The following TBC1D5 variants were observed in gnomAD, a reference collection of about 807,000 sequenced individuals.
The protein encoded by TBC1D5 is TBC1 domain family, member 5.
Under a neutral mutation model 100.3 loss-of-function variants are expected in TBC1D5, and 75 were observed. The observed-to-expected ratio is 0.75, with a 90% CI of 0.62 to 0.91. The LOEUF (loss-of-function observed/expected upper bound fraction) is 0.91, where lower values mean the gene tolerates loss of function less well. Among genes scored for constraint, TBC1D5 ranks in the 40% least tolerant of loss-of-function variants. The pLI is 0.00. For missense variants in TBC1D5, 910 were observed against 942.4 expected (o/e 0.97, Z 0.45); for synonymous variants, 323 against 325.6 (o/e 0.99, Z 0.09).
At chr3:17,313,772 C>T (rs2084327958) in intron 13 of TBC1D5, among the ~76,000 whole-genome samples, 1 of 152,180 alleles carries the variant, frequency 6.6e-6, no homozygotes, top group Non-Finnish European at 1.5e-5. Context: ...CATTATGCTT[C>T]CATAAGCAGT....
chr3:17,589,654 G>A (rs935745224), intron 2 of TBC1D5, among the ~76,000 whole-genome samples: 1 of 152,306 alleles, frequency 6.6e-6, no homozygotes, highest in East Asian at 1.9e-4. Flanking sequence ...TCTTGGGTAT[G>A]TCTTTATCAG....
At chr3:17,498,359 T>C (rs1156900280) in intron 3 of TBC1D5, among the ~76,000 whole-genome samples, 1 of 152,178 alleles carries the variant, frequency 6.6e-6, no homozygotes, top group Non-Finnish European at 1.5e-5. Context: ...GGTGAACTAA[T>C]TTATTTTCAA....
intron 1 of TBC1D5, chr3:17,705,981 C>T: frequency 7.4e-7 from 1 of 1,357,066 alleles, no homozygotes; most frequent in South Asian, 1.4e-5. Flanking sequence ...CATTTCTTTA[C>T]TCTTTTTTTT....
intron 3 of TBC1D5, among the ~76,000 whole-genome samples, chr3:17,472,880 C>G (rs561464540): frequency 6.6e-6 from 1 of 152,316 alleles, no homozygotes; most frequent in Non-Finnish European, 1.5e-5. Context: ...CTATTACATT[C>G]TAAATATTAA....
At chr3:17,221,285 T>A (rs576721657) in intron 17 of TBC1D5, among the ~76,000 whole-genome samples, 125 of 151,942 alleles carry the variant, frequency 8.2e-4, no homozygotes, top group African/African-American at 2.1e-3. Context: ...CTTTTTTTTT[T>A]AATTTTATTA....
At chr3:17,162,833 C>G (rs1425241089) in intron 21 of TBC1D5, among the ~76,000 whole-genome samples, 1 of 152,204 alleles carries the variant, frequency 6.6e-6, no homozygotes, top group Non-Finnish European at 1.5e-5. Flanking sequence ...GGGGAATCAA[C>G]AGAGGCCCTC....
At chr3:17,524,464 G>C (rs1417982418) in intron 2 of TBC1D5, 1 of 152,138 alleles carries the variant, frequency 6.6e-6, no homozygotes, top group Non-Finnish European at 1.5e-5. Context: ...GAAAGAAGTT[G>C]ATTGTAATAG....
intron 1 of TBC1D5, among the ~76,000 whole-genome samples, chr3:17,647,499 A>G (rs1049040527): frequency 3.1e-4 from 12 of 39,282 alleles, no homozygotes; most frequent in African/African-American, 5.7e-4. Flanking sequence ...GACACTTAAG[A>G]AAAGACTTAA....
chr3:17,334,051 T>C (rs544043889), intron 13 of TBC1D5, among the ~76,000 whole-genome samples: 8 of 151,744 alleles, frequency 5.3e-5, no homozygotes, highest in African/African-American at 1.9e-4. Flanking sequence ...GTGGGGTAAA[T>C]GAATTGGAAG....
intron 15 of TBC1D5, among the ~76,000 whole-genome samples, chr3:17,269,268 G>A (rs1216457468): frequency 1.3e-5 from 2 of 152,088 alleles, no homozygotes; most frequent in African/African-American, 4.8e-5. Flanking sequence ...AGAATGAAGG[G>A]AGAATGCTCA....
At chr3:17,507,206 T>C (rs1576416907) in intron 3 of TBC1D5, among the ~76,000 whole-genome samples, 2 of 152,218 alleles carry the variant, frequency 1.3e-5, no homozygotes, top group Non-Finnish European at 2.9e-5. Flanking sequence ...ATGCTTCTTA[T>C]GAGTATTACA....
intron 2 of TBC1D5, among the ~76,000 whole-genome samples, chr3:17,612,627 T>A (rs1043421069): frequency 5.9e-5 from 9 of 151,368 alleles, no homozygotes; most frequent in African/African-American, 2.2e-4. Flanking sequence ...TGATACTCTA[T>A]CTCAAAAAAA....
intron 8 of TBC1D5, among the ~76,000 whole-genome samples, chr3:17,389,963 C>T (rs139521529): frequency 2.4e-4 from 37 of 152,172 alleles, no homozygotes; most frequent in African/African-American, 8.4e-4. Context: ...AAAAATCCTT[C>T]ATCAATTTTT....
At chr3:17,672,880 T>A (rs1174040342) in intron 1 of TBC1D5, among the ~76,000 whole-genome samples, 4 of 152,316 alleles carry the variant, frequency 2.6e-5, no homozygotes, top group Non-Finnish European at 4.4e-5. Context: ...TGAATATCTG[T>A]GGAAGAAGTC....
chr3:17,606,144 C>T (rs996914733), intron 2 of TBC1D5, among the ~76,000 whole-genome samples: 8 of 152,038 alleles, frequency 5.3e-5, no homozygotes, highest in Non-Finnish European at 1.2e-4. Context: ...ATATTTTCAC[C>T]ACAAGTATTT....
At chr3:17,467,106 A>T (rs920981389) in intron 3 of TBC1D5, among the ~76,000 whole-genome samples, 5 of 152,000 alleles carry the variant, frequency 3.3e-5, no homozygotes, top group Admixed American at 3.3e-4. Context: ...CTCCTCCCCA[A>T]TATTTTTCAT....
Position 17,545,137 on chromosome 3 carries a change from C to T in TBC1D5, c.-35-36532G>A, listed in dbSNP as rs188607911. ...AGCACTATTATGACACCGAAAAAAT[C>T]GTACATTGAAACCCTAACCCCCAGT... On this transcript the variant is annotated intron_variant, in intron 2 of 21. Coordinates refer to ENST00000253692, the Ensembl canonical transcript of TBC1D5. Among the ~76,000 whole-genome samples, 154 of 152,022 alleles carry T rather than the reference C, an allele frequency of 1.0e-3. 2 individuals are homozygous for T. In the South Asian group the frequency reaches 0.018, roughly 18 times the overall value.
intron 1 of TBC1D5, among the ~76,000 whole-genome samples, chr3:17,728,344 G>A (rs182459212): frequency 7.2e-5 from 11 of 152,202 alleles, no homozygotes; most frequent in Non-Finnish European, 1.5e-4. Context: ...ATTCACCAAT[G>A]TTTGTAGGTA....
At chr3:17,730,881 T>C (rs2076496743) in intron 1 of TBC1D5, among the ~76,000 whole-genome samples, 1 of 152,122 alleles carries the variant, frequency 6.6e-6, no homozygotes, top group South Asian at 2.1e-4. Flanking sequence ...AAGCATGACA[T>C]AGACTAATGA....
Sources: allele counts gnomAD v4.1 joint callset (sites outside exome capture counted in the v4.1 genomes callset), GRCh38; gene constraint gnomAD v4.1.1; transcripts MANE v1.5; gene names NCBI Gene and HGNC (gene_info 2026-07-23, HGNC 2026-07-21).